The following EIF2AK3 variants were observed in gnomAD, a reference collection of about 807,000 sequenced individuals.
EIF2AK3 encodes eukaryotic translation initiation factor 2-alpha kinase 3.
Under a neutral mutation model 113.5 loss-of-function variants are expected in EIF2AK3, and 50 were observed. The ratio of observed to expected loss-of-function variants is 0.44; its 90% CI spans 0.35 to 0.56. The LOEUF is 0.56. EIF2AK3 is among the 20% of genes least tolerant of loss of function. The pLI is 0.00. For synonymous variants in EIF2AK3, 448 were observed against 495.4 expected (o/e 0.90, Z 1.27); for missense variants, 1,185 against 1,378.0 (o/e 0.86, Z 2.22).
chr2:88,581,733 T>C (rs903217465), intron 10 of EIF2AK3, among the ~76,000 whole-genome samples: 1 of 152,232 alleles, frequency 6.6e-6, no homozygotes, highest in African/African-American at 2.4e-5. Context: ...TTAGTATTTT[T>C]ATTAGCAAAG....
rs757415634 is a variant in EIF2AK3, at chr2:88,557,778, T to C, written c.3309A>G (p.Ser1103=). The C allele has an allele frequency of 1.2e-6, 2 of 1,614,122 alleles. No homozygotes were observed. The highest frequency in any genetic ancestry group is 4.5e-5 in the East Asian group (2 of 44,876). ...RSLSSSGTKH[S]RQSNNSHSPL... ...GGCTATGGGAGTTGTTGGACTGTCT[T>C]GAATGTTTTGTTCCCGATGAACTCA... Residue 1103 remains serine (S), a synonymous_variant, in exon 17 of 17, where the codon TCA becomes TCG. Coordinates refer to ENST00000303236, the MANE Select transcript of EIF2AK3 (RefSeq NM_004836.7).
At chr2:88,608,836 T>C (rs1294932674) in intron 2 of EIF2AK3, among the ~76,000 whole-genome samples, 1 of 148,892 alleles carries the variant, frequency 6.7e-6, no homozygotes, top group Admixed American at 6.8e-5. Flanking sequence ...GCCTCCAAAG[T>C]AGCTGGAACT....
intron 13 of EIF2AK3, among the ~76,000 whole-genome samples, chr2:88,574,011 A>C (rs1177230303): frequency 6.6e-6 from 1 of 152,206 alleles, no homozygotes; most frequent in Non-Finnish European, 1.5e-5. Flanking sequence ...AAGACTCTTT[A>C]ATAATTTTGC....
At chr2:88,607,475 C>T (rs531716089) in intron 2 of EIF2AK3, among the ~76,000 whole-genome samples, 6 of 152,258 alleles carry the variant, frequency 3.9e-5, no homozygotes, top group African/African-American at 1.2e-4. Flanking sequence ...TGCACCTTAA[C>T]GGTTTTAGCT....
intron 11 of EIF2AK3, among the ~76,000 whole-genome samples, chr2:88,576,939 C>A (rs190948992): frequency 5.3e-5 from 8 of 151,462 alleles, no homozygotes; most frequent in African/African-American, 1.7e-4. Flanking sequence ...AAAATAGGAT[C>A]TTTTCTTGAA....
intron 2 of EIF2AK3, among the ~76,000 whole-genome samples, chr2:88,596,254 G>A (rs778748705): frequency 2.0e-5 from 3 of 152,044 alleles, no homozygotes; most frequent in Non-Finnish European, 2.9e-5. Context: ...TAGAAGCCTA[G>A]TAAGTAAGCT....
rs149466833 is a variant in EIF2AK3 at position 88,571,748 on chromosome 2, A to G, written c.2818-707T>C. The stretch of plus-strand genomic sequence containing the variant: ...TGGTTTGCGTCTGAGGGGGATATAG[A>G]TTATCAGAAGGGATAAGAGCTCTTC... On this transcript the variant is annotated intron_variant, in intron 13 of 16. Transcript: ENST00000303236. Among the ~76,000 whole-genome samples the G allele has an allele frequency of 1.8e-4, 27 of 152,296 alleles. No individual in the cohort carries two copies. The East Asian group carries it at 4.4e-3, about 25-fold the overall frequency.
Position 88,574,762 on chromosome 2 carries a change from C to T in EIF2AK3, c.2721G>A (p.Glu907=). ...GCAGACACACGCTCCTCTCTCTCTCCTCTATGGTACATCGTCCATTCATCC... is the reference window on the plus strand; with the variant it reads ...GCAGACACACGCTCCTCTCTCTCTCTTCTATGGTACATCGTCCATTCATCC... ...KDWMNGRCTI[E]ERERSVCLHI... Residue 907 remains glutamate, a synonymous_variant, in exon 13 of 17, where the codon GAG becomes GAA. Coordinates refer to ENST00000303236, the MANE Select transcript of EIF2AK3 (RefSeq NM_004836.7). 5 of 1,614,224 alleles carry T rather than the reference C, an allele frequency of 3.1e-6. No homozygotes were observed. The highest frequency in any genetic ancestry group is 4.2e-6 in the Non-Finnish European group (5 of 1,180,040).
In EIF2AK3 at chr2:88,579,535, C is replaced by A; in HGVS notation, c.1869G>T (p.Arg623Ser). 2 of 1,613,796 alleles carry A rather than the reference C, an allele frequency of 1.2e-6. No individual in the cohort carries two copies. Among genetic ancestry groups the A allele is most frequent in the Non-Finnish European group, 1.7e-6 (2 of 1,179,808 alleles). Residue 623 changes from arginine to serine, a missense_variant, in exon 11 of 17, where the codon AGG becomes AGT. Physicochemically the swap from Arg to Ser is moderately radical, Grantham distance 110. This residue lies in a region of EIF2AK3 where 877 missense variants were observed against 1,024.2 expected (regional missense o/e 0.86). Transcript: ENST00000303236. Reference sequence around the variant, plus strand: ...CCCATTACCTATTGGGGAGACGGATCCTCTTGATAGCATAATTGCAGTCAT... The same window carrying A: ...CCCATTACCTATTGGGGAGACGGATACTCTTGATAGCATAATTGCAGTCAT... The part of the protein sequence containing the change: ...KVDDCNYAIK[R>S]IRLPNRELAR...
chr2:88,575,473 T>C, intron 12 of EIF2AK3, 27 bp from the exon 13 acceptor site: 2 of 1,599,868 alleles, frequency 1.3e-6, no homozygotes, highest in South Asian at 1.1e-5. Flanking sequence ...TACAAAGGGG[T>C]AAGAGTGAAT....
At chr2:88,586,133 T>C in intron 8 of EIF2AK3, 72 bp from the exon 9 acceptor site, 1 of 1,230,396 alleles carries the variant, frequency 8.1e-7, no homozygotes, top group Non-Finnish European at 1.2e-6. Context: ...CTATTAAAAT[T>C]TATCCATTTT....
chr2:88,621,414 T>C (rs1231573050), intron 1 of EIF2AK3, among the ~76,000 whole-genome samples: 2 of 152,206 alleles, frequency 1.3e-5, no homozygotes, highest in Non-Finnish European at 2.9e-5. Flanking sequence ...TAGGAGAACA[T>C]TGTATGGATT....
chr2:88,586,773 G>T (rs1674741423), intron 8 of EIF2AK3, among the ~76,000 whole-genome samples: 1 of 150,890 alleles, frequency 6.6e-6, no homozygotes, highest in Admixed American at 6.6e-5. Context: ...TGTATTTTTA[G>T]TAAAGATGGG....
At chr2:88,588,542 G>C (rs1674797322) in intron 7 of EIF2AK3, among the ~76,000 whole-genome samples, 1 of 152,128 alleles carries the variant, frequency 6.6e-6, no homozygotes, top group African/African-American at 2.4e-5. Context: ...AGAAATATTT[G>C]ATTAACATTT....
chr2:88,627,416 TG>T lies in EIF2AK3; in HGVS notation c.-143del. 9.4e-7 allele frequency: 1 copy of T among 1,066,574 alleles called. No individual in the cohort carries two copies. Among genetic ancestry groups the T allele is most frequent in the Non-Finnish European group, 1.2e-6 (1 of 818,232 alleles). The allele number at this position is 1,066,574 out of a possible 1,614,324, so 66.1% of individuals were successfully genotyped here. On this transcript the variant is annotated 5_prime_UTR_variant, in exon 1 of 17. Coordinates refer to ENST00000303236, the MANE Select transcript of EIF2AK3 (RefSeq NM_004836.7). The stretch of plus-strand genomic sequence containing the variant: ...GCCTGGACAGCCAGCCGTGTTCCCC[TG>T]GCCACGTCTCAGCCCGGCCTCTGCC...
At position 88,575,000 on chromosome 2, in the gene EIF2AK3, T is replaced by C. The variant is rs369837691; in HGVS notation, c.2483A>G (p.His828Arg). ...SKEEPKTNRL[H>R]IGNHCANKLT... Reference sequence around the variant, plus strand: ...TTTATTAGCACAATGGTTGCCAATATGCAATCGATTAGTTTTCGGCTCTTC... The same window carrying C: ...TTTATTAGCACAATGGTTGCCAATACGCAATCGATTAGTTTTCGGCTCTTC... The change falls in exon 13 of 17, where the codon CAT becomes CGT. Residue 828 changes from histidine to arginine, a missense_variant. Physicochemically the swap from His to Arg is conservative, Grantham distance 29. Transcript: ENST00000303236. 2.5e-6 allele frequency: 4 copies of C among 1,614,188 alleles called. No individual in the cohort carries two copies. The highest frequency in any genetic ancestry group is 2.2e-5 in the East Asian group (1 of 44,882).
At chr2:88,592,277 C>G (rs888824897) in intron 4 of EIF2AK3, among the ~76,000 whole-genome samples, 1 of 151,876 alleles carries the variant, frequency 6.6e-6, no homozygotes. Flanking sequence ...AGGTATTAGG[C>G]TAAATAAATG....
In EIF2AK3 at chr2:88,585,881, G is replaced by A. The variant is rs1434600602; in HGVS notation, c.1610C>T (p.Thr537Met). Residue 537 changes from threonine to methionine, a missense_variant, in exon 9 of 17, where the codon ACG (threonine) becomes ATG (methionine). Around this residue, in one of 3 missense-constraint regions of EIF2AK3, gnomAD observed 877 missense variants for 1,024.2 expected, o/e 0.86. Transcript: ENST00000303236. ...ATGGAAAAGCCTGCGCACAATAAAC[G>A]TTGTTGCTATGATACAAAACAAAAT... Reference protein sequence around the residue: ...ATILFCIIATTFIVRRLFHPH... With the variant: ...ATILFCIIATMFIVRRLFHPH... 4 of 1,614,026 alleles carry A rather than the reference G, an allele frequency of 2.5e-6. No homozygotes were observed. Among genetic ancestry groups the A allele is most frequent in the Non-Finnish European group, 2.5e-6 (3 of 1,179,964 alleles).
chr2:88,576,167 G>A (rs1401960886), intron 12 of EIF2AK3, among the ~76,000 whole-genome samples: 1 of 152,142 alleles, frequency 6.6e-6, no homozygotes, highest in African/African-American at 2.4e-5. Flanking sequence ...ACCTTATACT[G>A]AGAAAAGTCA....
Sources: gnomAD v4.1 joint callset for allele counts (sites outside exome capture counted in the v4.1 genomes callset) on GRCh38, gnomAD v4.1.1 for gene constraint, gnomAD v4.1.1 regional missense constraint, MANE v1.5 for transcripts, NCBI Gene and HGNC (gene_info 2026-07-23, HGNC 2026-07-21) for gene names.